Variants in EYS observed in about 807,000 individuals in gnomAD.
EYS encodes protein eyes shut homolog.
A neutral mutation model predicts 282.1 loss-of-function variants in EYS; 250 were observed. The ratio of observed to expected loss-of-function variants is 0.89; its 90% CI spans 0.80 to 0.98. The LOEUF (loss-of-function observed/expected upper bound fraction) is 0.98, where lower values mean the gene tolerates loss of function less well. Among genes scored for constraint, EYS ranks in the 50% least tolerant of loss-of-function variants. The pLI is 0.00. For synonymous variants in EYS, 1,355 were observed against 1,282.9 expected (o/e 1.06, Z -1.20); for missense variants, 4,016 against 3,709.0 (o/e 1.08, Z -2.15).
chr6:64,878,090 G>A (rs902043621), intron 19 of EYS, among the ~76,000 whole-genome samples: 3 of 152,008 alleles, frequency 2.0e-5, no homozygotes, highest in Admixed American at 1.3e-4. Context: ...AAAATTAGCT[G>A]GGTGTGGTGG....
intron 12 of EYS, among the ~76,000 whole-genome samples, chr6:65,214,051 CG>C (rs1248045751): frequency 1.4e-5 from 2 of 147,210 alleles, no homozygotes; most frequent in Non-Finnish European, 3.0e-5. Flanking sequence ...CCCAGCTACT[CG>C]GGAGTCTGAG....
At chr6:65,529,062 T>C (rs1767670731) in intron 2 of EYS, among the ~76,000 whole-genome samples, 2 of 152,048 alleles carry the variant, frequency 1.3e-5, no homozygotes, top group Non-Finnish European at 2.9e-5. Context: ...CTCTAGAAGA[T>C]CAAAATTAAC....
intron 30 of EYS, among the ~76,000 whole-genome samples, chr6:64,275,453 T>TC (rs1284065652): frequency 1.3e-5 from 2 of 149,044 alleles, no homozygotes; most frequent in Admixed American, 1.3e-4. Flanking sequence ...TTCTATTTCT[T>TC]TTTTTTTTTT....
intron 22 of EYS, among the ~76,000 whole-genome samples, chr6:64,654,907 T>C (rs1213203377): frequency 2.0e-5 from 3 of 152,178 alleles, no homozygotes; most frequent in Non-Finnish European, 4.4e-5. Context: ...GCAAACAGTT[T>C]AGTTTTAATC....
At chr6:64,018,360 GT>G (rs145822363) in intron 33 of EYS, among the ~76,000 whole-genome samples, 68 of 152,034 alleles carry the variant, frequency 4.5e-4, no homozygotes, top group African/African-American at 1.6e-3. Flanking sequence ...ATATTCAGGG[GT>G]TTTTTGTTGT....
At chr6:65,427,556 T>C (rs941129951) in intron 5 of EYS, among the ~76,000 whole-genome samples, 10 of 152,046 alleles carry the variant, frequency 6.6e-5, no homozygotes, top group African/African-American at 2.2e-4. Context: ...AAAAATAGAA[T>C]TATTTTTTTC....
chr6:65,070,557 A>G (rs1157766836), intron 12 of EYS, among the ~76,000 whole-genome samples: 1 of 151,726 alleles, frequency 6.6e-6, no homozygotes, highest in Non-Finnish European at 1.5e-5. Context: ...ACTGTAGGTT[A>G]TATCATGGCT....
chr6:63,746,306 T>C (rs1369675643), intron 41 of EYS, among the ~76,000 whole-genome samples: 2 of 152,238 alleles, frequency 1.3e-5, no homozygotes, highest in Non-Finnish European at 2.9e-5. Context: ...GTTTTTGATG[T>C]GCTGCCGGAT....
At chr6:63,959,039 A>G (rs998535583) in intron 35 of EYS, among the ~76,000 whole-genome samples, 3 of 152,130 alleles carry the variant, frequency 2.0e-5, no homozygotes, top group South Asian at 2.1e-4. Context: ...CTTATTATGT[A>G]GAAACACTTT....
intron 35 of EYS, among the ~76,000 whole-genome samples, chr6:63,926,555 T>TGAAGGGA (rs1764721284): frequency 6.6e-6 from 1 of 152,038 alleles, no homozygotes; most frequent in South Asian, 2.1e-4. Flanking sequence ...AGACCGAAGG[T>TGAAGGGA]GAAGGGAGAA....
intron 31 of EYS, among the ~76,000 whole-genome samples, chr6:64,189,857 T>C (rs1320679208): frequency 6.6e-6 from 1 of 152,154 alleles, no homozygotes; most frequent in Non-Finnish European, 1.5e-5. Context: ...AGAGAATGCA[T>C]AGCCCACAAA....
intron 12 of EYS, among the ~76,000 whole-genome samples, chr6:65,236,698 C>T (rs1177191283): frequency 6.6e-6 from 1 of 152,098 alleles, no homozygotes; most frequent in African/African-American, 2.4e-5. Flanking sequence ...ATGGTACTGA[C>T]TTCAGTGGTA....
chr6:65,339,223 A>G lies in EYS; in HGVS notation c.1600-4077T>C, dbSNP rs535925550. ...GCACCAAAGTTAGATAGGTAATTAA[A>G]TTTTATTAAAGACTATTGAAATAGG... On this transcript the variant is annotated intron_variant, in intron 10 of 42. Coordinates refer to ENST00000503581, the MANE Select transcript of EYS (RefSeq NM_001142800.2). Among the ~76,000 whole-genome samples, 4 of 151,308 alleles carry G rather than the reference A, an allele frequency of 2.6e-5. No homozygotes were observed. The East Asian group carries it at 7.8e-4, about 29-fold the overall frequency.
intron 5 of EYS, among the ~76,000 whole-genome samples, chr6:65,436,685 C>T (rs577175686): frequency 6.6e-6 from 1 of 151,876 alleles, no homozygotes; most frequent in Non-Finnish European, 1.5e-5. Context: ...ATCTAGATTG[C>T]TGAGAAAATA....
intron 13 of EYS, among the ~76,000 whole-genome samples, chr6:65,006,242 A>G (rs1771649730): frequency 6.6e-6 from 1 of 151,488 alleles, no homozygotes; most frequent in African/African-American, 2.4e-5. Context: ...AAAAAGAAAG[A>G]AAAAGATATT....
chr6:65,008,345 A>G (rs1166157138), intron 13 of EYS, among the ~76,000 whole-genome samples: 1 of 152,170 alleles, frequency 6.6e-6, no homozygotes, highest in Non-Finnish European at 1.5e-5. Flanking sequence ...CATTAGAAAA[A>G]AAAACTTCAA....
intron 5 of EYS, among the ~76,000 whole-genome samples, chr6:65,471,795 T>A (rs1765228055): frequency 6.6e-6 from 1 of 152,132 alleles, no homozygotes. Context: ...CTATTTCTAA[T>A]AAAATATTTT....
At chr6:64,798,248 T>C (rs1343906011) in intron 22 of EYS, among the ~76,000 whole-genome samples, 3 of 151,898 alleles carry the variant, frequency 2.0e-5, no homozygotes, top group African/African-American at 7.2e-5. Context: ...CATATCTCCC[T>C]CAAGATTTTC....
chr6:65,617,100 A>G (rs774459198), intron 2 of EYS, among the ~76,000 whole-genome samples: 6 of 152,214 alleles, frequency 3.9e-5, no homozygotes, highest in Admixed American at 1.3e-4. Flanking sequence ...TCTTCAGTTC[A>G]GGTGATTTTA....
Sources: gnomAD v4.1 joint callset for allele counts (sites outside exome capture counted in the v4.1 genomes callset) on GRCh38, gnomAD v4.1.1 for gene constraint, MANE v1.5 for transcripts, NCBI Gene and HGNC (gene_info 2026-07-23, HGNC 2026-07-21) for gene names.